L3MBTL4: variants seen among roughly 807,000 people sequenced by gnomAD.
L3MBTL4 encodes the protein L3MBTL histone methyl-lysine binding protein 4, also known as lethal(3)malignant brain tumor-like protein 4.
A neutral mutation model predicts 84.5 loss-of-function variants in L3MBTL4; 70 were observed. The observed-to-expected ratio is 0.83, with a 90% CI of 0.68 to 1.01. The LOEUF (loss-of-function observed/expected upper bound fraction) is 1.01. Ranked by LOEUF, L3MBTL4 falls within the 50% of genes least tolerant of loss-of-function variation. L3MBTL4 has a pLI of 0.00. For missense variants in L3MBTL4, 715 were observed against 754.8 expected, an observed-to-expected ratio of 0.95 and a Z score of 0.62; for synonymous variants, 274 against 259.8, an observed-to-expected ratio of 1.05 and a Z score of -0.52.
chr18:6,327,539 G>A (rs1432904800), intron 1 of L3MBTL4, among the ~76,000 whole-genome samples: 2 of 152,088 alleles, frequency 1.3e-5, no homozygotes, highest in Non-Finnish European at 2.9e-5. Flanking sequence ...TTTATGTAAT[G>A]TTTGCTTATA....
chr18:6,305,719 C>T (rs2050555446), intron 3 of L3MBTL4, among the ~76,000 whole-genome samples: 1 of 152,164 alleles, frequency 6.6e-6, no homozygotes, highest in Non-Finnish European at 1.5e-5. Flanking sequence ...TAAAATCCAT[C>T]ATTTTGGAAG....
At chr18:6,104,265 A>G (rs1338457108) in intron 14 of L3MBTL4, among the ~76,000 whole-genome samples, 1 of 152,234 alleles carries the variant, frequency 6.6e-6, no homozygotes, top group Non-Finnish European at 1.5e-5. Context: ...TCAAAGAGAT[A>G]TTTGTACACC....
intron 4 of L3MBTL4, among the ~76,000 whole-genome samples, chr18:6,264,611 C>G (rs1053614970): frequency 3.9e-5 from 6 of 152,118 alleles, no homozygotes; most frequent in African/African-American, 1.4e-4. Context: ...TGGTGAAACC[C>G]CGTCTCTACT....
At chr18:6,069,670 G>A (rs964904015) in intron 16 of L3MBTL4, among the ~76,000 whole-genome samples, 6 of 152,132 alleles carry the variant, frequency 3.9e-5, no homozygotes, top group African/African-American at 1.4e-4. Context: ...CTTCTGCACA[G>A]AAGAGTTCAC....
rs1054534982 is a variant in L3MBTL4 at position 5,961,710 on chromosome 18, T to C, written c.1615-1554A>G. On this transcript the variant is annotated intron_variant, in intron 17 of 18. Transcript: ENST00000317931. Reference sequence around the variant, plus strand: ...CCGGGCTCTTAGTATTACGAGCTAATTCACCTGAGAACCTGACACTCTGGC... The same window carrying C: ...CCGGGCTCTTAGTATTACGAGCTAACTCACCTGAGAACCTGACACTCTGGC... 3.3e-5 allele frequency among the ~76,000 whole-genome samples: 5 copies of C among 152,164 alleles called. No homozygotes were observed. In the East Asian group the frequency reaches 9.6e-4, roughly 29 times the overall value.
At chr18:6,226,852 A>G (rs928373757) in intron 10 of L3MBTL4, among the ~76,000 whole-genome samples, 2 of 152,208 alleles carry the variant, frequency 1.3e-5, no homozygotes, top group Non-Finnish European at 2.9e-5. Context: ...TAATGGATAA[A>G]TAGAACACTA....
At chr18:6,256,552 T>C (rs952608446) in intron 5 of L3MBTL4, among the ~76,000 whole-genome samples, 1 of 151,042 alleles carries the variant, frequency 6.6e-6, no homozygotes, top group African/African-American at 2.4e-5. Flanking sequence ...CATACTAGAT[T>C]ATAATAATAG....
At chr18:6,233,124 T>G (rs937012407) in intron 10 of L3MBTL4, among the ~76,000 whole-genome samples, 1 of 152,018 alleles carries the variant, frequency 6.6e-6, no homozygotes, top group Non-Finnish European at 1.5e-5. Context: ...CAACAACCCT[T>G]CACGCTAAAA....
intron 4 of L3MBTL4, among the ~76,000 whole-genome samples, chr18:6,300,362 A>G (rs1191948377): frequency 6.6e-6 from 1 of 152,166 alleles, no homozygotes; most frequent in Non-Finnish European, 1.5e-5. Context: ...AACAGGAACA[A>G]TATATTATCA....
chr18:6,170,846 G>T (rs746243562), intron 13 of L3MBTL4, among the ~76,000 whole-genome samples: 1 of 152,198 alleles, frequency 6.6e-6, no homozygotes, highest in Middle Eastern at 3.4e-3. Context: ...AAATGCTGGC[G>T]CCCTTCCCTA....
intron 16 of L3MBTL4, among the ~76,000 whole-genome samples, chr18:6,054,993 T>G (rs16949340): frequency 0.011 from 1,636 of 152,320 alleles, 35 homozygotes; most frequent in African/African-American, 0.036. Flanking sequence ...ACACCTGGTT[T>G]TAAGCCTCGT....
chr18:6,110,077 A>T (rs2059142750), intron 14 of L3MBTL4, among the ~76,000 whole-genome samples: 1 of 152,150 alleles, frequency 6.6e-6, no homozygotes, highest in Non-Finnish European at 1.5e-5. Flanking sequence ...GATATGATTT[A>T]AAACAACTTT....
chr18:5,961,095 T>G (rs2095261182), intron 17 of L3MBTL4, among the ~76,000 whole-genome samples: 1 of 152,122 alleles, frequency 6.6e-6, no homozygotes, highest in East Asian at 1.9e-4. Context: ...AGGGGAACTG[T>G]TTTGCTTGTT....
chr18:6,215,917 G>A (rs2145829638), intron 10 of L3MBTL4, 82 bp from the exon 11 acceptor site: 1 of 693,510 alleles, frequency 1.4e-6, no homozygotes, highest in Non-Finnish European at 2.4e-6. Context: ...TGGATGATAT[G>A]ACACCTAATG....
intron 1 of L3MBTL4, among the ~76,000 whole-genome samples, chr18:6,398,896 C>T (rs2055393879): frequency 6.6e-6 from 1 of 152,112 alleles, no homozygotes; most frequent in African/African-American, 2.4e-5. Context: ...GGGGATCTGC[C>T]AGACCTGGAA....
intron 13 of L3MBTL4, among the ~76,000 whole-genome samples, chr18:6,144,171 G>T (rs1055544612): frequency 7.2e-6 from 1 of 138,102 alleles, no homozygotes; most frequent in Non-Finnish European, 1.5e-5. Context: ...ACTCCAGCCT[G>T]GGCGACAGAG....
intron 4 of L3MBTL4, among the ~76,000 whole-genome samples, chr18:6,299,290 A>G (rs915308352): frequency 1.3e-5 from 2 of 152,218 alleles, no homozygotes; most frequent in Non-Finnish European, 2.9e-5. Context: ...AGAGGGGTGT[A>G]GCAGACACCA....
chr18:6,175,522 T>C (rs2044188495), intron 12 of L3MBTL4, among the ~76,000 whole-genome samples: 1 of 152,034 alleles, frequency 6.6e-6, no homozygotes, highest in African/African-American at 2.4e-5. Flanking sequence ...TGCGGGGAAA[T>C]ATGCAAGGCT....
intron 16 of L3MBTL4, among the ~76,000 whole-genome samples, chr18:6,072,845 CAG>C (rs912711815): frequency 5.2e-5 from 5 of 95,564 alleles, no homozygotes; most frequent in South Asian, 7.7e-4. Context: ...GCCTGGGTGA[CAG>C]AGAGAGAGAC....
Sources: gnomAD v4.1 joint callset for allele counts (sites outside exome capture counted in the v4.1 genomes callset) on GRCh38, gnomAD v4.1.1 for gene constraint, MANE v1.5 for transcripts, NCBI Gene and HGNC (gene_info 2026-07-23, HGNC 2026-07-21) for gene names.